The following ARL15 variants were observed in gnomAD, a reference collection of about 807,000 sequenced individuals.
ARL15 encodes the protein ADP-ribosylation factor-like protein 15.
A neutral mutation model predicts 25.2 loss-of-function variants in ARL15; 19 were observed. That is an observed-to-expected ratio of 0.75 (90% CI 0.53 to 1.10). The LOEUF is 1.10. ARL15 is among the 50% of genes least tolerant of loss of function. The probability of loss-of-function intolerance (pLI) is 0.00; values close to 1 mark genes in which losing one functional copy is unlikely to be tolerated. For missense variants in ARL15, 220 were observed against 246.0 expected (o/e 0.89, Z 0.71); for synonymous variants, 94 against 86.8 (o/e 1.08, Z -0.46).
chr5:54,094,886 C>T (rs1450163776), intron 4 of ARL15, among the ~76,000 whole-genome samples: 2 of 152,152 alleles, frequency 1.3e-5, no homozygotes, highest in Non-Finnish European at 2.9e-5. Context: ...AACAAAGATA[C>T]CTGCCCAATG....
chr5:54,063,986 T>C (rs1178558667), intron 4 of ARL15, among the ~76,000 whole-genome samples: 1 of 152,178 alleles, frequency 6.6e-6, no homozygotes, highest in African/African-American at 2.4e-5. Flanking sequence ...AAGAGGAATT[T>C]CACACAGGGT....
At chr5:54,219,728 A>G (rs934142808) in intron 1 of ARL15, among the ~76,000 whole-genome samples, 26 of 152,194 alleles carry the variant, frequency 1.7e-4, no homozygotes, top group African/African-American at 6.3e-4. Flanking sequence ...AACAGTAACT[A>G]CCAATATTTC....
intron 1 of ARL15, among the ~76,000 whole-genome samples, chr5:54,287,349 C>G (rs1758209437): frequency 6.6e-6 from 1 of 151,902 alleles, no homozygotes; most frequent in Non-Finnish European, 1.5e-5. Context: ...CAGGGGTATG[C>G]ACAATGGGCT....
chr5:53,995,371 T>C (rs1362188408), intron 4 of ARL15, among the ~76,000 whole-genome samples: 1 of 151,460 alleles, frequency 6.6e-6, no homozygotes, highest in Non-Finnish European at 1.5e-5. Flanking sequence ...GCAGTTGCAT[T>C]TAATTCAAAT....
chr5:53,920,658 T>TAAAA (rs1295930635), intron 4 of ARL15, among the ~76,000 whole-genome samples: 1 of 143,296 alleles, frequency 7.0e-6, no homozygotes, highest in Admixed American at 6.9e-5. Context: ...AAATAATAAA[T>TAAAA]AAATAAATAA....
intron 4 of ARL15, among the ~76,000 whole-genome samples, chr5:54,081,467 C>A (rs905719426): frequency 6.6e-6 from 1 of 152,002 alleles, no homozygotes; most frequent in African/African-American, 2.4e-5. Flanking sequence ...GCTTTGTGTC[C>A]CCACCCAAGT....
At chr5:53,887,465 A>C in intron 4 of ARL15, 1 of 686,830 alleles carries the variant, frequency 1.5e-6, no homozygotes, top group Non-Finnish European at 2.6e-6. Flanking sequence ...AGTCACTCTT[A>C]CTATATTGGC....
At chr5:54,169,771 G>A (rs746919763) in intron 2 of ARL15, among the ~76,000 whole-genome samples, 5 of 152,108 alleles carry the variant, frequency 3.3e-5, no homozygotes, top group Non-Finnish European at 5.9e-5. Flanking sequence ...TACGGACAAC[G>A]CCCAGTGGGG....
intron 1 of ARL15, among the ~76,000 whole-genome samples, chr5:54,189,936 T>A (rs1346624444): frequency 6.6e-6 from 1 of 152,228 alleles, no homozygotes; most frequent in Non-Finnish European, 1.5e-5. Context: ...GAGATCAATG[T>A]CTGGAATATG....
chr5:53,990,613 T>G (rs1401646176), intron 4 of ARL15, among the ~76,000 whole-genome samples: 1 of 152,108 alleles, frequency 6.6e-6, no homozygotes, highest in African/African-American at 2.4e-5. Flanking sequence ...CCAGATGCAA[T>G]ACAACCCTTC....
At position 54,138,198 on chromosome 5, in the gene ARL15, G is replaced by T. The variant is rs180945058; in HGVS notation, c.253+16382C>A. 2.0e-5 allele frequency among the ~76,000 whole-genome samples: 3 copies of T among 152,112 alleles called. No homozygotes were observed. In the East Asian group the frequency reaches 5.8e-4, roughly 29 times the overall value. Reference sequence around the variant, plus strand: ...ACACATCTTAAAATAGGAGGATCTCGATCCAGGTACAGTGGCTCATGCCTG... The same window carrying T: ...ACACATCTTAAAATAGGAGGATCTCTATCCAGGTACAGTGGCTCATGCCTG... On this transcript the variant is annotated intron_variant, in intron 3 of 4. Coordinates refer to ENST00000504924, the MANE Select transcript of ARL15 (RefSeq NM_019087.3).
At chr5:54,105,731 C>A (rs1207481168) in intron 4 of ARL15, among the ~76,000 whole-genome samples, 1 of 152,008 alleles carries the variant, frequency 6.6e-6, no homozygotes, top group South Asian at 2.1e-4. Context: ...TACAGGGGCG[C>A]GCCACCATGC....
intron 1 of ARL15, among the ~76,000 whole-genome samples, chr5:54,265,151 A>G (rs1234037969): frequency 6.6e-6 from 1 of 152,180 alleles, no homozygotes; most frequent in Non-Finnish European, 1.5e-5. Context: ...AAAAGTATAA[A>G]TCAGACTTCC....
chr5:53,990,076 A>G (rs1748434575), intron 4 of ARL15, among the ~76,000 whole-genome samples: 1 of 151,952 alleles, frequency 6.6e-6, no homozygotes, highest in Non-Finnish European at 1.5e-5. Flanking sequence ...AAAAATTTAA[A>G]AATTTGCTGG....
chr5:53,990,063 T>A (rs142194031), intron 4 of ARL15, among the ~76,000 whole-genome samples: 1 of 151,844 alleles, frequency 6.6e-6, no homozygotes, highest in African/African-American at 2.4e-5. Context: ...GTGAAACCCA[T>A]TGAAAAATTT....
At chr5:54,284,265 A>T (rs971373847) in intron 1 of ARL15, among the ~76,000 whole-genome samples, 1 of 152,156 alleles carries the variant, frequency 6.6e-6, no homozygotes, top group African/African-American at 2.4e-5. Flanking sequence ...CACCATGCCC[A>T]GCAAATATTT....
intron 4 of ARL15, among the ~76,000 whole-genome samples, chr5:53,932,645 A>G (rs1249715828): frequency 6.6e-6 from 1 of 152,228 alleles, no homozygotes; most frequent in Non-Finnish European, 1.5e-5. Flanking sequence ...AAATTTGGAA[A>G]CAGAAAGCAG....
At chr5:54,123,303 G>T (rs987400600) in intron 3 of ARL15, among the ~76,000 whole-genome samples, 1 of 152,038 alleles carries the variant, frequency 6.6e-6, no homozygotes, top group African/African-American at 2.4e-5. Flanking sequence ...TAGAGACAGG[G>T]TTTCACCATG....
At chr5:53,996,681 A>G (rs1329736069) in intron 4 of ARL15, among the ~76,000 whole-genome samples, 5 of 151,288 alleles carry the variant, frequency 3.3e-5, no homozygotes, top group African/African-American at 1.2e-4. Flanking sequence ...GCTAACATCT[A>G]GGTCTATATG....
Sources: allele counts gnomAD v4.1 joint callset (sites outside exome capture counted in the v4.1 genomes callset), GRCh38; gene constraint gnomAD v4.1.1; transcripts MANE v1.5; gene names NCBI Gene and HGNC (gene_info 2026-07-23, HGNC 2026-07-21).